ADK: variants seen among roughly 807,000 people sequenced by gnomAD.
ADK encodes adenosine kinase, also known as N6,N6-dimethyladenosine kinase.
ADK carries 24 observed loss-of-function variants against 44.7 expected under a neutral mutation model. The observed-to-expected ratio is 0.54, with a 90% CI of 0.39 to 0.76. The LOEUF is 0.76. ADK is among the 30% of genes least tolerant of loss of function. The probability of loss-of-function intolerance (pLI) is 0.00; values close to 1 mark genes in which losing one functional copy is unlikely to be tolerated. For missense variants in ADK, 321 were observed against 425.1 expected, an observed-to-expected ratio of 0.76 and a Z score of 2.15; for synonymous variants, 128 against 142.6, an observed-to-expected ratio of 0.90 and a Z score of 0.73.
chr10:74,686,823 G>A (rs1031732555), intron 10 of ADK, among the ~76,000 whole-genome samples: 7 of 152,046 alleles, frequency 4.6e-5, no homozygotes, highest in Non-Finnish European at 1.0e-4. Flanking sequence ...GACTACAGGT[G>A]TGCGCCACCA....
At chr10:74,653,904 AT>A (rs746177739) in intron 9 of ADK, among the ~76,000 whole-genome samples, 40 of 152,362 alleles carry the variant, frequency 2.6e-4, no homozygotes, top group African/African-American at 8.4e-4. Flanking sequence ...GTTAAAAAAA[AT>A]ATCCTTGTCT....
At chr10:74,660,198 G>A (rs904077416) in intron 9 of ADK, among the ~76,000 whole-genome samples, 1 of 151,946 alleles carries the variant, frequency 6.6e-6, no homozygotes, top group Non-Finnish European at 1.5e-5. Context: ...GCACTATCTC[G>A]GCTCACTGCA....
chr10:74,606,651 C>A (rs1313849858), intron 9 of ADK, among the ~76,000 whole-genome samples: 2 of 152,082 alleles, frequency 1.3e-5, no homozygotes, highest in Non-Finnish European at 2.9e-5. Flanking sequence ...TGTTTTACTT[C>A]CAATTATGTG....
chr10:74,500,838 A>C (rs889667081), intron 6 of ADK, among the ~76,000 whole-genome samples: 4 of 152,190 alleles, frequency 2.6e-5, no homozygotes, highest in African/African-American at 9.7e-5. Flanking sequence ...AGCAATCAGG[A>C]TTTGCTTCAG....
At chr10:74,273,213 C>G (rs1481604982) in intron 3 of ADK, among the ~76,000 whole-genome samples, 1 of 151,958 alleles carries the variant, frequency 6.6e-6, no homozygotes, top group Non-Finnish European at 1.5e-5. Flanking sequence ...TCAGCTCCTT[C>G]AGGCTCTACC....
At chr10:74,155,675 C>A (rs904413543) in intron 1 of ADK, among the ~76,000 whole-genome samples, 2 of 152,058 alleles carry the variant, frequency 1.3e-5, no homozygotes, top group African/African-American at 4.8e-5. Flanking sequence ...ACTACAGGCG[C>A]CTGCCATCAC....
chr10:74,506,652 G>C (rs1214014468), intron 6 of ADK: 2 of 152,216 alleles, frequency 1.3e-5, no homozygotes, highest in African/African-American at 4.8e-5. Flanking sequence ...ATTTACTGCA[G>C]TTCATTTTAT....
intron 1 of ADK, among the ~76,000 whole-genome samples, chr10:74,179,020 C>T (rs569910218): frequency 6.6e-6 from 1 of 152,266 alleles, no homozygotes; most frequent in African/African-American, 2.4e-5. Context: ...TGTAAAGTAT[C>T]ATGAGAGACA....
chr10:74,516,257 C>T (rs1425244676), intron 6 of ADK, among the ~76,000 whole-genome samples: 1 of 152,108 alleles, frequency 6.6e-6, no homozygotes, highest in Non-Finnish European at 1.5e-5. Context: ...GCAATTCCCT[C>T]CCGTCTCCAG....
intron 3 of ADK, among the ~76,000 whole-genome samples, chr10:74,299,711 T>C (rs918923680): frequency 1.3e-5 from 2 of 151,680 alleles, no homozygotes; most frequent in East Asian, 3.8e-4. Context: ...GGCTATTCAT[T>C]GTATTATTTA....
intron 4 of ADK, among the ~76,000 whole-genome samples, chr10:74,377,771 G>A (rs997465766): frequency 6.6e-6 from 1 of 152,156 alleles, no homozygotes; most frequent in Non-Finnish European, 1.5e-5. Flanking sequence ...ATAGTCTAAT[G>A]ACAGGTAGTG....
chr10:74,288,226 G>A (rs1179731744), intron 3 of ADK, among the ~76,000 whole-genome samples: 2 of 152,098 alleles, frequency 1.3e-5, no homozygotes, highest in African/African-American at 4.8e-5. Context: ...TATTCAAATT[G>A]TTACATCAAC....
At chr10:74,286,731 A>G (rs1003531780) in intron 3 of ADK, among the ~76,000 whole-genome samples, 3 of 152,244 alleles carry the variant, frequency 2.0e-5, no homozygotes, top group Non-Finnish European at 4.4e-5. Flanking sequence ...AATGTAGGAA[A>G]AGGCCAGTCA....
At chr10:74,374,671 G>C (rs1206270798) in intron 4 of ADK, among the ~76,000 whole-genome samples, 3 of 152,072 alleles carry the variant, frequency 2.0e-5, no homozygotes, top group African/African-American at 7.2e-5. Flanking sequence ...TGCATGGTTA[G>C]TCCTTCATAA....
rs186276554 is a variant in ADK at position 74,264,006 on chromosome 10, A to G, written c.194+39415A>G. On this transcript the variant is annotated intron_variant, in intron 3 of 10. Transcript: ENST00000539909. ...AAAGATTCTTGAGGACTGTATTTTA[A>G]ATATGTGGATGTTTAAATTTCAATT... is the stretch of plus-strand genomic sequence containing the variant. Among the ~76,000 whole-genome samples the G allele has an allele frequency of 3.3e-5, 5 of 152,328 alleles. No homozygotes were observed. The East Asian group carries it at 9.6e-4, about 29-fold the overall frequency.
rs1219086483 is a variant in ADK at position 74,333,271 on chromosome 10, A to G, written c.273+18526A>G. 2.0e-5 allele frequency among the ~76,000 whole-genome samples: 3 copies of G among 152,228 alleles called. No individual in the cohort carries two copies. The East Asian group carries it at 5.8e-4, about 29-fold the overall frequency. On this transcript the variant is annotated intron_variant, in intron 4 of 10. Coordinates refer to ENST00000539909, the MANE Select transcript of ADK (RefSeq NM_006721.4). ...GAAATACCAGCATGTCACATTAAAA[A>G]TATGGCATCTACAGTATTGTACAAA...
intron 9 of ADK, among the ~76,000 whole-genome samples, chr10:74,657,545 C>T (rs1284949240): frequency 6.6e-6 from 1 of 152,120 alleles, no homozygotes; most frequent in African/African-American, 2.4e-5. Context: ...AAATATAGTA[C>T]AGTTATTTAC....
chr10:74,604,489 C>A (rs188241298), intron 9 of ADK, among the ~76,000 whole-genome samples: 118 of 152,284 alleles, frequency 7.7e-4, no homozygotes, highest in African/African-American at 2.8e-3. Flanking sequence ...GTTTTCCCAG[C>A]ACCATTTATT....
At chr10:74,644,810 A>G (rs564346255) in intron 9 of ADK, among the ~76,000 whole-genome samples, 1 of 152,330 alleles carries the variant, frequency 6.6e-6, no homozygotes, top group African/African-American at 2.4e-5. Flanking sequence ...AATTGCAGAC[A>G]TGAGCCACCA....
Sources: allele counts gnomAD v4.1 joint callset (sites outside exome capture counted in the v4.1 genomes callset), GRCh38; gene constraint gnomAD v4.1.1; transcripts MANE v1.5; gene names NCBI Gene and HGNC (gene_info 2026-07-23, HGNC 2026-07-21).